The following FGF12 variants were observed in gnomAD, a reference collection of about 807,000 sequenced individuals.
FGF12 encodes fibroblast growth factor 12B.
Under a neutral mutation model 23.6 loss-of-function variants are expected in FGF12, and 14 were observed. The observed-to-expected ratio is 0.59, with a 90% confidence interval of 0.39 to 0.93. The LOEUF (loss-of-function observed/expected upper bound fraction) is 0.93, where lower values mean the gene tolerates loss of function less well. Ranked by LOEUF, FGF12 falls within the 40% of genes least tolerant of loss-of-function variation. FGF12 has a pLI of 0.00. For synonymous variants in FGF12, 62 were observed against 77.3 expected (o/e 0.80, Z 1.04); for missense variants, 175 against 217.8 (o/e 0.80, Z 1.24).
At chr3:192,326,642 T>A (rs898338557) in intron 4 of FGF12, among the ~76,000 whole-genome samples, 35 of 152,236 alleles carry the variant, frequency 2.3e-4, no homozygotes, top group Non-Finnish European at 1.0e-4. Context: ...TCATTTTTGT[T>A]GTTGGTGTTA....
chr3:192,493,247 T>C lies in FGF12; in HGVS notation c.14-132709A>G, dbSNP rs373453067. On this transcript the variant is annotated intron_variant, in intron 2 of 5. Transcript: ENST00000445105. ...TCAGCTTGCTCATCTGTGAAAGGAC[T>C]AAATTATCTCTAAAGATTCTCTCTG... 7.9e-5 allele frequency among the ~76,000 whole-genome samples: 12 copies of C among 152,286 alleles called. 1 individual carries two copies. The highest frequency in any genetic ancestry group is 5.2e-4 in the Admixed American group (8 of 15,292).
At chr3:192,452,025 G>T (rs10048952) in intron 2 of FGF12, among the ~76,000 whole-genome samples, 1 of 151,930 alleles carries the variant, frequency 6.6e-6, no homozygotes, top group Admixed American at 6.6e-5. Context: ...GGTAAGGATC[G>T]CCAGTGCAAT....
At chr3:192,387,157 A>G (rs1328057487) in intron 2 of FGF12, among the ~76,000 whole-genome samples, 1 of 152,152 alleles carries the variant, frequency 6.6e-6, no homozygotes, top group Non-Finnish European at 1.5e-5. Flanking sequence ...TCCCGTTACT[A>G]TCAGTGAATC....
At chr3:192,541,771 C>T (rs1429228853) in intron 2 of FGF12, among the ~76,000 whole-genome samples, 1 of 152,036 alleles carries the variant, frequency 6.6e-6, no homozygotes, top group East Asian at 1.9e-4. Flanking sequence ...CTCCTTCATG[C>T]TTGAAGGAGA....
chr3:192,167,092 A>G (rs1715201977), intron 5 of FGF12, among the ~76,000 whole-genome samples: 1 of 150,024 alleles, frequency 6.7e-6, no homozygotes, highest in Non-Finnish European at 1.5e-5. Flanking sequence ...CCTGAAGCAG[A>G]GTTTTTAGTG....
At chr3:192,597,124 C>G (rs1713889787) in intron 2 of FGF12, among the ~76,000 whole-genome samples, 1 of 152,034 alleles carries the variant, frequency 6.6e-6, no homozygotes, top group African/African-American at 2.4e-5. Context: ...GTACCTAGTC[C>G]AGGGCCTTGA....
chr3:192,199,286 T>C (rs1207647991), intron 4 of FGF12, among the ~76,000 whole-genome samples: 1 of 152,238 alleles, frequency 6.6e-6, no homozygotes, highest in Non-Finnish European at 1.5e-5. Context: ...GAAAACTAAG[T>C]AGTAAGTGTA....
Position 192,681,418 on chromosome 3 carries a change from T to C in FGF12, c.13+45763A>G, listed in dbSNP as rs144315518. 6.0e-4 allele frequency among the ~76,000 whole-genome samples: 91 copies of C among 151,986 alleles called. 1 individual carries two copies. The highest frequency in any genetic ancestry group is 2.1e-3 in the African/African-American group (87 of 41,446). On this transcript the variant is annotated intron_variant, in intron 2 of 5. Coordinates refer to ENST00000445105, the MANE Select transcript of FGF12 (RefSeq NM_004113.6). ...GAGAAGACAAAGAGCTCAGCTGGAG[T>C]CAGTAGAGTTCGAGGTGCTTTGGTT...
At chr3:192,522,021 A>T (rs1054538238) in intron 2 of FGF12, among the ~76,000 whole-genome samples, 3 of 152,038 alleles carry the variant, frequency 2.0e-5, no homozygotes, top group Non-Finnish European at 4.4e-5. Flanking sequence ...ACACAGTGAA[A>T]CCCCATCTCT....
chr3:192,656,964 G>T lies in FGF12; in HGVS notation c.13+70217C>A, dbSNP rs139695027. On this transcript the variant is annotated intron_variant, in intron 2 of 5. Transcript: ENST00000445105. ...TCTACAGAACATTACTGAGGGATAG[G>T]TATTAGTATAAAGTCTCACGGCCAA... Among the ~76,000 whole-genome samples, 11 of 152,230 alleles carry T rather than the reference G, an allele frequency of 7.2e-5. No homozygotes were observed. In the East Asian group the frequency reaches 2.1e-3, roughly 29 times the overall value.
chr3:192,629,390 G>C (rs1467745007), intron 2 of FGF12, among the ~76,000 whole-genome samples: 1 of 152,190 alleles, frequency 6.6e-6, no homozygotes, highest in South Asian at 2.1e-4. Flanking sequence ...TTTCTCTAAA[G>C]AGTTTAAAAT....
At chr3:192,680,719 T>A (rs1047058298) in intron 2 of FGF12, among the ~76,000 whole-genome samples, 1 of 152,216 alleles carries the variant, frequency 6.6e-6, no homozygotes, top group Non-Finnish European at 1.5e-5. Context: ...AATGAATACA[T>A]TCTATTAAGT....
At chr3:192,637,757 T>A (rs911214213) in intron 2 of FGF12, among the ~76,000 whole-genome samples, 2 of 152,102 alleles carry the variant, frequency 1.3e-5, no homozygotes, top group Non-Finnish European at 2.9e-5. Context: ...TAAGAAAAAA[T>A]AATAAATGAG....
At chr3:192,375,266 C>T (rs540739058) in intron 2 of FGF12, among the ~76,000 whole-genome samples, 16 of 152,152 alleles carry the variant, frequency 1.1e-4, no homozygotes, top group African/African-American at 1.7e-4. Flanking sequence ...CTATCATCTT[C>T]GTTTGTGGTT....
intron 4 of FGF12, among the ~76,000 whole-genome samples, chr3:192,316,295 C>T (rs1716225803): frequency 6.6e-6 from 1 of 152,168 alleles, no homozygotes; most frequent in African/African-American, 2.4e-5. Context: ...TTCATAATAA[C>T]CAAACATCAG....
At chr3:192,361,453 T>C (rs1223420718) in intron 2 of FGF12, among the ~76,000 whole-genome samples, 1 of 152,112 alleles carries the variant, frequency 6.6e-6, no homozygotes, top group African/African-American at 2.4e-5. Context: ...ATTATTTCAT[T>C]AAAATGAGGA....
At chr3:192,305,360 CAG>C (rs1253807008) in intron 4 of FGF12, among the ~76,000 whole-genome samples, 1 of 151,890 alleles carries the variant, frequency 6.6e-6, no homozygotes, top group African/African-American at 2.4e-5. Context: ...AATTTTTAAA[CAG>C]AGATATAATA....
At chr3:192,318,959 AG>A (rs1448771621) in intron 4 of FGF12, among the ~76,000 whole-genome samples, 5 of 151,796 alleles carry the variant, frequency 3.3e-5, no homozygotes, top group Non-Finnish European at 7.4e-5. Flanking sequence ...AAAGTCCTGA[AG>A]GGGGAAAAAC....
intron 2 of FGF12, among the ~76,000 whole-genome samples, chr3:192,456,313 C>A (rs1446275148): frequency 6.6e-6 from 1 of 152,144 alleles, no homozygotes; most frequent in African/African-American, 2.4e-5. Flanking sequence ...ATGCCACTGA[C>A]CAAACTTGGA....
Sources: allele counts gnomAD v4.1 joint callset (sites outside exome capture counted in the v4.1 genomes callset), GRCh38; gene constraint gnomAD v4.1.1; transcripts MANE v1.5; gene names NCBI Gene and HGNC (gene_info 2026-07-23, HGNC 2026-07-21).